The following IGSF21 variants were observed in gnomAD, a reference collection of about 807,000 sequenced individuals.
The protein encoded by IGSF21 is immunoglobin superfamily member 21.
In IGSF21, 28 loss-of-function variants were observed where a neutral mutation model predicts 46.8. The observed-to-expected ratio is 0.60, with a 90% CI of 0.44 to 0.82. IGSF21 has a LOEUF of 0.82. IGSF21 is among the 40% of genes least tolerant of loss of function. The pLI is 0.00. For synonymous variants in IGSF21, 284 were observed against 273.6 expected (o/e 1.04, Z -0.38); for missense variants, 624 against 665.5 (o/e 0.94, Z 0.69).
At chr1:18,199,583 C>T (rs2087046562) in intron 1 of IGSF21, among the ~76,000 whole-genome samples, 3 of 152,088 alleles carry the variant, frequency 2.0e-5, no homozygotes, top group Admixed American at 6.6e-5. Flanking sequence ...TCCTCTTTGG[C>T]CATCTGCATG....
intron 1 of IGSF21, among the ~76,000 whole-genome samples, chr1:18,221,714 T>C (rs2084512039): frequency 6.6e-6 from 1 of 152,186 alleles, no homozygotes; most frequent in Non-Finnish European, 1.5e-5. Context: ...CCTGATCCAC[T>C]TCTCGATACC....
intron 4 of IGSF21, among the ~76,000 whole-genome samples, chr1:18,347,204 C>T (rs2124617192): frequency 6.6e-6 from 1 of 152,266 alleles, no homozygotes. Context: ...AAAGAAGTGC[C>T]CTTGACCATA....
intron 1 of IGSF21, among the ~76,000 whole-genome samples, chr1:18,190,740 C>T (rs1159724808): frequency 6.6e-6 from 1 of 152,176 alleles, no homozygotes; most frequent in Admixed American, 6.5e-5. Flanking sequence ...AGGAGCCAGC[C>T]ACTGGCCAGC....
intron 4 of IGSF21, among the ~76,000 whole-genome samples, chr1:18,353,698 G>C (rs2085984299): frequency 6.6e-6 from 1 of 152,212 alleles, no homozygotes; most frequent in South Asian, 2.1e-4. Context: ...CTGAGTGAAA[G>C]ACTTCAAACA....
chr1:18,114,175 C>T (rs905763020), intron 1 of IGSF21: 1 of 152,202 alleles, frequency 6.6e-6, no homozygotes, highest in Non-Finnish European at 1.5e-5. Flanking sequence ...CTCTGTCTTT[C>T]CCTGGAGTCT....
intron 2 of IGSF21, among the ~76,000 whole-genome samples, chr1:18,238,502 C>T (rs181600602): frequency 9.2e-5 from 14 of 152,254 alleles, no homozygotes; most frequent in African/African-American, 2.2e-4. Flanking sequence ...TGAAGGGGAG[C>T]GGTTTTTGAC....
chr1:18,169,383 T>A (rs759150239), intron 1 of IGSF21, among the ~76,000 whole-genome samples: 3 of 152,202 alleles, frequency 2.0e-5, no homozygotes, highest in Non-Finnish European at 2.9e-5. Flanking sequence ...CCAGGCGTAT[T>A]TCTTTCTTCC....
chr1:18,291,766 C>T, intron 2 of IGSF21, 100 bp from the exon 3 acceptor site: 4 of 1,428,660 alleles, frequency 2.8e-6, no homozygotes, highest in South Asian at 1.3e-5. Context: ...GGCTGTCCTT[C>T]TTCTGGGCTT....
At chr1:18,327,383 G>A (rs772141144) in intron 3 of IGSF21, among the ~76,000 whole-genome samples, 14 of 152,160 alleles carry the variant, frequency 9.2e-5, no homozygotes, top group Admixed American at 2.6e-4. Context: ...AGGACCAGCC[G>A]TGCCATGTCC....
At chr1:18,178,188 T>C (rs1395356689) in intron 1 of IGSF21, among the ~76,000 whole-genome samples, 1 of 152,196 alleles carries the variant, frequency 6.6e-6, no homozygotes, top group East Asian at 1.9e-4. Context: ...CATCGTGTCC[T>C]GTTGACCTGC....
intron 1 of IGSF21, among the ~76,000 whole-genome samples, chr1:18,224,321 T>C (rs2124503081): frequency 6.6e-6 from 1 of 152,220 alleles, no homozygotes; most frequent in South Asian, 2.1e-4. Flanking sequence ...CTTCAGGGCC[T>C]TTGCGCTTGA....
At chr1:18,273,039 CTTTTTTTTTTTTTT>C (rs760448516) in intron 2 of IGSF21, among the ~76,000 whole-genome samples, 2 of 80,722 alleles carry the variant, frequency 2.5e-5, no homozygotes, top group Non-Finnish European at 4.8e-5. Flanking sequence ...CCAGACGGAT[CTTTTTTTTTTTTTT>C]TTTTTTTTTT....
chr1:18,376,254 T>C (rs1015343412), intron 6 of IGSF21, 56 bp from the exon 7 acceptor site: 63 of 1,199,874 alleles, frequency 5.3e-5, no homozygotes, highest in South Asian at 2.7e-4. Flanking sequence ...TTCTCTTCCA[T>C]GTACCCTGTC....
intron 1 of IGSF21, among the ~76,000 whole-genome samples, chr1:18,206,903 TAGC>T (rs2084334202): frequency 6.6e-6 from 1 of 152,238 alleles, no homozygotes; most frequent in South Asian, 2.1e-4. Context: ...ACTACACACT[TAGC>T]AGTTTACAAC....
intron 2 of IGSF21, 85 bp from the exon 3 acceptor site, chr1:18,291,781 C>G (rs1209285824): frequency 5.9e-6 from 9 of 1,514,636 alleles, no homozygotes; most frequent in African/African-American, 1.4e-5. Flanking sequence ...GGGCTTCCTG[C>G]CTGCATCTTG....
chr1:18,206,612 G>T (rs1333082263), intron 1 of IGSF21, among the ~76,000 whole-genome samples: 2 of 152,112 alleles, frequency 1.3e-5, no homozygotes, highest in Admixed American at 6.5e-5. Flanking sequence ...CCTTGGTGTG[G>T]GAATGAGCTT....
chr1:18,309,518 C>A (rs2085461127), intron 3 of IGSF21, among the ~76,000 whole-genome samples: 2 of 152,144 alleles, frequency 1.3e-5, no homozygotes, highest in African/African-American at 4.8e-5. Flanking sequence ...TAGACCACAC[C>A]CCCTCCTTTC....
intron 3 of IGSF21, among the ~76,000 whole-genome samples, chr1:18,302,180 CA>C (rs5772801): frequency 0.32 from 43,160 of 133,278 alleles, 8,420 homozygotes; most frequent in African/African-American, 0.58. Flanking sequence ...GCTCCAGGCC[CA>C]AGCTCCAATG....
At chr1:18,213,795 G>T (rs1309141011) in intron 1 of IGSF21, among the ~76,000 whole-genome samples, 1 of 152,152 alleles carries the variant, frequency 6.6e-6, no homozygotes, top group Non-Finnish European at 1.5e-5. Context: ...CCCGGAATTG[G>T]CAGGCCCAGC....
Sources: allele counts gnomAD v4.1 joint callset (sites outside exome capture counted in the v4.1 genomes callset), GRCh38; gene constraint gnomAD v4.1.1; transcripts MANE v1.5; gene names NCBI Gene and HGNC (gene_info 2026-07-23, HGNC 2026-07-21).